The following INSL6 variants were observed in gnomAD, a reference collection of about 807,000 sequenced individuals.
INSL6 encodes the protein insulin-like peptide INSL6.
A neutral mutation model predicts 9.4 loss-of-function variants in INSL6; 16 were observed. The ratio of observed to expected loss-of-function variants is 1.70; its 90% CI spans 1.15 to 2.59. The LOEUF is 2.59. Among genes scored for constraint, INSL6 ranks in the 30% most tolerant of loss-of-function variants. The probability of loss-of-function intolerance (pLI) is 0.00; values close to 1 mark genes in which losing one functional copy is unlikely to be tolerated. For missense variants in INSL6, 391 were observed against 257.3 expected (o/e 1.52, Z -3.56); for synonymous variants, 154 against 96.9 (o/e 1.59, Z -3.46).
chr9:5,082,377 T>C, the INSL6 span, among the ~76,000 whole-genome samples: 1 of 152,222 alleles, frequency 6.6e-6, no homozygotes, highest in Non-Finnish European at 1.5e-5. Context: ...TTTATGCTTC[T>C]CTCCACCCAA....
At chr9:5,153,521 A>G (rs1413818003) in intron 2 of INSL6, among the ~76,000 whole-genome samples, 1 of 152,212 alleles carries the variant, frequency 6.6e-6, no homozygotes, top group Non-Finnish European at 1.5e-5. Flanking sequence ...TTCAATTAGG[A>G]AAAGAGGAAG....
the INSL6 span, among the ~76,000 whole-genome samples, chr9:5,017,528 C>A: frequency 5.3e-5 from 8 of 151,932 alleles, no homozygotes; most frequent in African/African-American, 1.9e-4. Context: ...CTTCTGTTAG[C>A]TTTGGGCTTT....
chr9:5,173,851 A>G (rs1323856933), intron 1 of INSL6, among the ~76,000 whole-genome samples: 1 of 152,160 alleles, frequency 6.6e-6, no homozygotes, highest in Non-Finnish European at 1.5e-5. Flanking sequence ...CTATCAACTT[A>G]GTTTACCATG....
intron 2 of INSL6, among the ~76,000 whole-genome samples, chr9:5,144,214 A>G (rs181914999): frequency 1.4e-4 from 22 of 152,284 alleles, no homozygotes; most frequent in Non-Finnish European, 5.9e-5. Flanking sequence ...CTTTCTTCTC[A>G]TTAGTTGCAA....
intron 1 of INSL6, among the ~76,000 whole-genome samples, chr9:5,165,233 T>G (rs577018709): frequency 6.6e-6 from 1 of 152,260 alleles, no homozygotes; most frequent in South Asian, 2.1e-4. Context: ...AAAAGAATAG[T>G]GCTGCTATGA....
chr9:5,014,309 T>C, the INSL6 span, among the ~76,000 whole-genome samples: 9 of 152,074 alleles, frequency 5.9e-5, no homozygotes, highest in African/African-American at 1.9e-4. Flanking sequence ...CAGCCTCTTA[T>C]TTACTCTTTA....
At chr9:5,116,072 AAAC>A in the INSL6 span, among the ~76,000 whole-genome samples, 1 of 152,212 alleles carries the variant, frequency 6.6e-6, no homozygotes, top group South Asian at 2.1e-4. Context: ...TTTAAAAAAA[AAAC>A]AGTGAACATT....
At chr9:5,117,748 A>G in the INSL6 span, among the ~76,000 whole-genome samples, 3 of 152,022 alleles carry the variant, frequency 2.0e-5, no homozygotes, top group Non-Finnish European at 2.9e-5. Flanking sequence ...CACAGAAACA[A>G]AAGTTTTTTG....
the INSL6 span, among the ~76,000 whole-genome samples, chr9:5,056,536 C>T: frequency 1.3e-5 from 2 of 152,042 alleles, no homozygotes; most frequent in East Asian, 3.9e-4. Context: ...CTTAATTCAG[C>T]ATAGTTTTCT....
At chr9:5,006,231 T>G in the INSL6 span, among the ~76,000 whole-genome samples, 1 of 147,510 alleles carries the variant, frequency 6.8e-6, no homozygotes, top group Non-Finnish European at 1.5e-5. Context: ...GTTGGATTCC[T>G]AGGTATTTTA....
the INSL6 span, chr9:5,094,916 C>T: frequency 2.4e-3 from 358 of 152,256 alleles, 2 homozygotes; most frequent in African/African-American, 8.0e-3. Flanking sequence ...TCCACTACAA[C>T]CAACTCATAT....
At chr9:4,999,104 C>T in the INSL6 span, among the ~76,000 whole-genome samples, 2 of 152,106 alleles carry the variant, frequency 1.3e-5, no homozygotes, top group Non-Finnish European at 2.9e-5. Flanking sequence ...GGATTACAGG[C>T]GTGAGCCACC....
At chr9:5,139,442 T>C (rs1824447060) in intron 2 of INSL6, among the ~76,000 whole-genome samples, 1 of 152,148 alleles carries the variant, frequency 6.6e-6, no homozygotes, top group Admixed American at 6.6e-5. Flanking sequence ...TGAAAGTAAA[T>C]GAATTTTTAA....
At position 5,164,201 on chromosome 9, in the gene INSL6, A is replaced by C. The variant is rs771512233; in HGVS notation, c.354T>G (p.Asp118Glu). 1.9e-6 allele frequency: 3 copies of C among 1,607,862 alleles called. No individual in the cohort carries two copies. The East Asian group carries it at 6.7e-5, about 36-fold the overall frequency. The change falls in exon 2 of 2, where the codon GAT becomes GAG. Residue 118 changes from aspartate (D) to glutamate (E), a missense_variant. Transcript: ENST00000381641. ...TACCAAGGGGTGAATATCCCTTTTT[A>C]TCCTTATACTCAGGTAGTGACTGCA... ...WEMQSLPEYK[D>E]KKGYSPLGKT...
chr9:5,019,394 T>C, the INSL6 span, among the ~76,000 whole-genome samples: 2 of 152,260 alleles, frequency 1.3e-5, no homozygotes, highest in Admixed American at 1.3e-4. Context: ...TTTTAAATGA[T>C]ATCTCTCTCT....
the INSL6 span, among the ~76,000 whole-genome samples, chr9:5,079,350 A>G: frequency 1.3e-5 from 2 of 152,248 alleles, no homozygotes. Flanking sequence ...TCTTGAATAC[A>G]GTCCTTCTGG....
intron 2 of INSL6, among the ~76,000 whole-genome samples, chr9:5,147,368 T>G (rs1388668166): frequency 2.0e-5 from 3 of 152,122 alleles, no homozygotes; most frequent in Non-Finnish European, 2.9e-5. Flanking sequence ...TGCTTAGGGT[T>G]TTTGCTCCTT....
At chr9:5,165,463 C>G (rs142489644) in intron 1 of INSL6, among the ~76,000 whole-genome samples, 14 of 152,260 alleles carry the variant, frequency 9.2e-5, no homozygotes, top group African/African-American at 3.4e-4. Flanking sequence ...TTTTGATTAT[C>G]ACCATGGATG....
the INSL6 span, among the ~76,000 whole-genome samples, chr9:5,028,111 C>T: frequency 6.6e-6 from 1 of 152,172 alleles, no homozygotes; most frequent in African/African-American, 2.4e-5. Context: ...AACACTGTGA[C>T]AGCCATAACC....
Sources: gnomAD v4.1 joint callset for allele counts (sites outside exome capture counted in the v4.1 genomes callset) on GRCh38, gnomAD v4.1.1 for gene constraint, MANE v1.5 for transcripts, NCBI Gene and HGNC (gene_info 2026-07-23, HGNC 2026-07-21) for gene names.